SGMS1: variants seen among roughly 807,000 people sequenced by gnomAD.
SGMS1 encodes the protein sphingomyelin synthase 1.
Under a neutral mutation model 46.2 loss-of-function variants are expected in SGMS1, and 13 were observed. That is an observed-to-expected ratio of 0.28 (90% confidence interval 0.18 to 0.45). The LOEUF (loss-of-function observed/expected upper bound fraction) is 0.45. Ranked by LOEUF, SGMS1 falls within the 20% of genes least tolerant of loss-of-function variation. SGMS1 has a pLI of 1.00. For synonymous variants in SGMS1, 203 were observed against 187.8 expected (o/e 1.08, Z -0.66); for missense variants, 324 against 519.9 (o/e 0.62, Z 3.66).
chr10:50,454,397 G>A (rs909028879), intron 5 of SGMS1, among the ~76,000 whole-genome samples: 2 of 152,104 alleles, frequency 1.3e-5, no homozygotes, highest in African/African-American at 4.8e-5. Context: ...CTAGCCTGTG[G>A]TAAAAAGGAC....
chr10:50,616,685 TC>T (rs1838801068), intron 1 of SGMS1, among the ~76,000 whole-genome samples: 1 of 152,106 alleles, frequency 6.6e-6, no homozygotes, highest in Non-Finnish European at 1.5e-5. Context: ...AAAAGATCTG[TC>T]CCAAAACACC....
At chr10:50,328,317 C>T (rs930268297) in intron 7 of SGMS1, among the ~76,000 whole-genome samples, 3 of 152,134 alleles carry the variant, frequency 2.0e-5, no homozygotes, top group Non-Finnish European at 4.4e-5. Context: ...TCTTCCTTAA[C>T]CTTGTGAGGA....
chr10:50,607,672 A>G (rs893648508), intron 1 of SGMS1, among the ~76,000 whole-genome samples: 1 of 152,250 alleles, frequency 6.6e-6, no homozygotes, highest in African/African-American at 2.4e-5. Context: ...AATGTGTAGA[A>G]GGACAACAAT....
chr10:50,430,139 C>A (rs1849387341), intron 6 of SGMS1, among the ~76,000 whole-genome samples: 1 of 152,126 alleles, frequency 6.6e-6, no homozygotes, highest in Non-Finnish European at 1.5e-5. Flanking sequence ...CCCCTAAGCA[C>A]TCCTCCCAAC....
At position 50,355,770 on chromosome 10, in the gene SGMS1, C is replaced by T. The variant is rs190626291; in HGVS notation, c.-231-11425G>A. Among the ~76,000 whole-genome samples the T allele has an allele frequency of 3.2e-3, 481 of 152,052 alleles. 5 individuals carry two copies. The highest frequency in any genetic ancestry group is 0.011 in the African/African-American group (461 of 41,460). On this transcript the variant is annotated intron_variant, in intron 6 of 10. Transcript: ENST00000361781. ...TGTGAGGAGCCCCTCTGCCCGGCTG[C>T]CCAGTCTGGGAAGTGAGTAGCGCCT...
At chr10:50,451,618 G>A (rs184073357) in intron 5 of SGMS1, among the ~76,000 whole-genome samples, 82 of 152,210 alleles carry the variant, frequency 5.4e-4, no homozygotes, top group South Asian at 2.5e-3. Context: ...TCAGCAACAC[G>A]AGCAGCAGAC....
rs537627206 is a variant in SGMS1, at chr10:50,490,286, T to A, written c.-497-23354A>T. On this transcript the variant is annotated intron_variant, in intron 3 of 10. Transcript: ENST00000361781. ...ATGAGCTAGAGTCAAGTTTGATTAG[T>A]GTTGATTAAAAAATTGCCATGAGAG... Among the ~76,000 whole-genome samples, 3 of 152,338 alleles carry A rather than the reference T, an allele frequency of 2.0e-5. No homozygotes were observed. In the South Asian group the frequency reaches 6.2e-4, roughly 32 times the overall value.
intron 7 of SGMS1, 34 bp downstream of exon 7, chr10:50,343,458 A>T (rs1223173131): frequency 1.3e-6 from 2 of 1,535,598 alleles, no homozygotes; most frequent in African/African-American, 1.4e-5. Context: ...CAAATCCCAT[A>T]ATCATTGAAT....
At chr10:50,504,770 GTTATTAT>G (rs1270240385) in intron 3 of SGMS1, among the ~76,000 whole-genome samples, 1 of 152,080 alleles carries the variant, frequency 6.6e-6, no homozygotes, top group African/African-American at 2.4e-5. Flanking sequence ...ACATTTCTGA[GTTATTAT>G]TCCTTTCTGG....
chr10:50,486,808 A>C (rs1837524904), intron 3 of SGMS1, among the ~76,000 whole-genome samples: 1 of 152,188 alleles, frequency 6.6e-6, no homozygotes, highest in South Asian at 2.1e-4. Flanking sequence ...CCATTACTGG[A>C]TATATACCCA....
intron 1 of SGMS1, among the ~76,000 whole-genome samples, chr10:50,606,455 T>C (rs7077862): frequency 0.018 from 2,804 of 152,332 alleles, 41 homozygotes; most frequent in Non-Finnish European, 0.028. Context: ...TAAAAATTGT[T>C]AAAATGGTAC....
chr10:50,394,788 G>A (rs1848822753), intron 6 of SGMS1, among the ~76,000 whole-genome samples: 1 of 152,098 alleles, frequency 6.6e-6, no homozygotes, highest in Admixed American at 6.6e-5. Context: ...TTTTTTCCAG[G>A]ATTTTGCTTT....
intron 3 of SGMS1, among the ~76,000 whole-genome samples, chr10:50,505,661 G>A (rs182033818): frequency 2.8e-4 from 43 of 152,294 alleles, no homozygotes; most frequent in Non-Finnish European, 5.6e-4. Flanking sequence ...AGATACAGCA[G>A]GGAATAAAAC....
intron 6 of SGMS1, among the ~76,000 whole-genome samples, chr10:50,389,937 CACA>C (rs1258106709): frequency 6.6e-5 from 10 of 152,170 alleles, no homozygotes; most frequent in African/African-American, 2.4e-4. Context: ...ACTTTGGTTT[CACA>C]ACATTTAGTT....
chr10:50,439,693 T>C (rs371724840), intron 5 of SGMS1, among the ~76,000 whole-genome samples: 3 of 152,200 alleles, frequency 2.0e-5, no homozygotes, highest in South Asian at 4.1e-4. Flanking sequence ...TAAACATTAA[T>C]ATGAAATGTT....
intron 1 of SGMS1, among the ~76,000 whole-genome samples, chr10:50,599,447 A>G (rs1358416747): frequency 6.7e-6 from 1 of 148,526 alleles, no homozygotes; most frequent in Admixed American, 6.8e-5. Flanking sequence ...GAAATTAAGA[A>G]TATGACTGTT....
At chr10:50,413,459 T>C (rs1589429937) in intron 6 of SGMS1, among the ~76,000 whole-genome samples, 1 of 152,354 alleles carries the variant, frequency 6.6e-6, no homozygotes, top group East Asian at 1.9e-4. Context: ...AAAGCAAAGA[T>C]TGGCATTCAA....
chr10:50,334,449 A>ACC (rs1847681443), intron 7 of SGMS1: 1 of 152,148 alleles, frequency 6.6e-6, no homozygotes, highest in Non-Finnish European at 1.5e-5. Context: ...TCAAAACTTA[A>ACC]CCACCTTGAG....
At chr10:50,572,422 G>A (rs1838344334) in intron 2 of SGMS1, among the ~76,000 whole-genome samples, 1 of 152,086 alleles carries the variant, frequency 6.6e-6, no homozygotes, top group South Asian at 2.1e-4. Flanking sequence ...TTCCTTGCCT[G>A]TGAAATGACA....
Sources: gnomAD v4.1 joint callset for allele counts (sites outside exome capture counted in the v4.1 genomes callset) on GRCh38, gnomAD v4.1.1 for gene constraint, MANE v1.5 for transcripts, NCBI Gene and HGNC (gene_info 2026-07-23, HGNC 2026-07-21) for gene names.